The following KCNQ3 variants were observed in gnomAD, a reference collection of about 807,000 sequenced individuals.
KCNQ3 encodes the protein potassium voltage-gated channel subfamily Q member 3, also known as potassium voltage-gated channel subfamily KQT member 3.
In KCNQ3, 30 loss-of-function variants were observed where a neutral mutation model predicts 92.5. The ratio of observed to expected loss-of-function variants is 0.32; its 90% CI spans 0.24 to 0.44. The LOEUF is 0.44. KCNQ3 is among the 20% of genes least tolerant of loss of function. KCNQ3 has a pLI of 1.00. For missense variants in KCNQ3, 913 were observed against 1,140.3 expected, an observed-to-expected ratio of 0.80 and a Z score of 2.87; for synonymous variants, 450 against 468.8, an observed-to-expected ratio of 0.96 and a Z score of 0.52.
intron 1 of KCNQ3, among the ~76,000 whole-genome samples, chr8:132,287,873 T>C (rs1326469756): frequency 6.6e-6 from 1 of 152,190 alleles, no homozygotes; most frequent in Non-Finnish European, 1.5e-5. Flanking sequence ...GAGGTGATGG[T>C]TGCACAACAT....
intron 1 of KCNQ3, among the ~76,000 whole-genome samples, chr8:132,186,974 G>C (rs59081807): frequency 0.063 from 9,382 of 149,092 alleles, 339 homozygotes; most frequent in African/African-American, 0.11. Flanking sequence ...GAGAGAGAGA[G>C]AGAGAGAGAG....
chr8:132,307,676 T>C (rs1216954320), intron 1 of KCNQ3, among the ~76,000 whole-genome samples: 2 of 152,210 alleles, frequency 1.3e-5, no homozygotes, highest in African/African-American at 2.4e-5. Flanking sequence ...GTTTGTTTAA[T>C]TGAATCAGAT....
intron 1 of KCNQ3, among the ~76,000 whole-genome samples, chr8:132,408,780 C>T (rs1413429763): frequency 1.3e-5 from 2 of 152,138 alleles, no homozygotes; most frequent in Non-Finnish European, 2.9e-5. Context: ...TAGCAAAGGG[C>T]ACTAGGCAGC....
intron 1 of KCNQ3, among the ~76,000 whole-genome samples, chr8:132,200,754 T>C (rs1039548820): frequency 1.3e-5 from 2 of 152,206 alleles, no homozygotes; most frequent in African/African-American, 4.8e-5. Flanking sequence ...TCTATTTAAG[T>C]TTCATGATAT....
intron 1 of KCNQ3, among the ~76,000 whole-genome samples, chr8:132,309,670 A>G (rs1296340911): frequency 2.0e-5 from 3 of 152,226 alleles, no homozygotes; most frequent in Non-Finnish European, 4.4e-5. Context: ...AGCTAAAAGA[A>G]TGAACTAGTA....
chr8:132,428,852 C>A (rs191268488), intron 1 of KCNQ3, among the ~76,000 whole-genome samples: 1 of 152,042 alleles, frequency 6.6e-6, no homozygotes, highest in Non-Finnish European at 1.5e-5. Context: ...AAAAAGAGAC[C>A]ACCCTTCCTC....
chr8:132,140,997 T>TCCCTCCC, intron 10 of KCNQ3, 132 bp downstream of exon 10: 1 of 810,536 alleles, frequency 1.2e-6, no homozygotes, highest in Non-Finnish European at 2.1e-6. Context: ...GAAGTTGGCT[T>TCCCTCCC]GTCGAGGGAA....
intron 1 of KCNQ3, among the ~76,000 whole-genome samples, chr8:132,196,399 T>C (rs574878059): frequency 6.6e-6 from 1 of 152,194 alleles, no homozygotes; most frequent in Non-Finnish European, 1.5e-5. Flanking sequence ...TATCTCCTCA[T>C]AGAATCCACC....
chr8:132,292,101 T>C (rs550973253), intron 1 of KCNQ3, among the ~76,000 whole-genome samples: 2 of 152,346 alleles, frequency 1.3e-5, no homozygotes, highest in South Asian at 4.1e-4. Context: ...AATGATAGCT[T>C]CACTGACCTA....
At chr8:132,245,837 T>A (rs1216052656) in intron 1 of KCNQ3, among the ~76,000 whole-genome samples, 1 of 152,196 alleles carries the variant, frequency 6.6e-6, no homozygotes, top group Non-Finnish European at 1.5e-5. Flanking sequence ...CAATTTTCAT[T>A]TGTTTGCTTA....
intron 3 of KCNQ3, among the ~76,000 whole-genome samples, chr8:132,182,931 A>T (rs952299168): frequency 4.6e-5 from 7 of 151,948 alleles, no homozygotes; most frequent in African/African-American, 1.7e-4. Flanking sequence ...CCTTCCGTAC[A>T]TTCAAAATTC....
intron 1 of KCNQ3, among the ~76,000 whole-genome samples, chr8:132,370,671 A>G (rs1004255898): frequency 2.0e-5 from 3 of 152,230 alleles, no homozygotes; most frequent in Non-Finnish European, 4.4e-5. Context: ...CACGCACTCC[A>G]GGCTGAGAAG....
At chr8:132,370,788 G>T (rs1819453941) in intron 1 of KCNQ3, among the ~76,000 whole-genome samples, 1 of 152,124 alleles carries the variant, frequency 6.6e-6, no homozygotes, top group Admixed American at 6.5e-5. Context: ...ATAACAACAG[G>T]CAGTATTTCT....
chr8:132,439,871 T>C (rs940485275), intron 1 of KCNQ3, among the ~76,000 whole-genome samples: 3 of 152,226 alleles, frequency 2.0e-5, no homozygotes, highest in Non-Finnish European at 1.5e-5. Context: ...TTTAAGCTGC[T>C]AAATTTGTGG....
intron 1 of KCNQ3, among the ~76,000 whole-genome samples, chr8:132,210,340 C>T (rs1033767437): frequency 6.6e-6 from 1 of 152,226 alleles, no homozygotes; most frequent in Non-Finnish European, 1.5e-5. Flanking sequence ...CAAAGAAACA[C>T]ATGAGCCTGC....
chr8:132,214,629 T>G (rs1375088565), intron 1 of KCNQ3, among the ~76,000 whole-genome samples: 2 of 151,828 alleles, frequency 1.3e-5, no homozygotes, highest in Non-Finnish European at 2.9e-5. Context: ...GGAGAATTCC[T>G]TTTTCAAAGC....
intron 1 of KCNQ3, among the ~76,000 whole-genome samples, chr8:132,397,655 G>T (rs529429302): frequency 1.1e-4 from 17 of 152,246 alleles, no homozygotes; most frequent in South Asian, 4.1e-4. Context: ...CTCAGTAAGG[G>T]ATTACCAGAG....
rs886062682 is a variant in KCNQ3 at position 132,128,501 on chromosome 8, T to TTGTGTGTGTG, written c.*760_*761insCACACACACA. 4.3e-4 allele frequency: 50 copies of TTGTGTGTGTG among 116,932 alleles called. 1 individual carries two copies. The Middle Eastern group carries it at 0.012, about 29-fold the overall frequency. 7.2% of individuals were successfully genotyped at this position (116,932 alleles called of 1,614,324 possible). ...ACATAAATTGGAAACTATTTTAACT[T>TTGTGTGTGTG]TGTGTATGTGTGTGTGTGTGTGTGT... is the stretch of plus-strand genomic sequence containing the variant. On this transcript the variant is annotated 3_prime_UTR_variant, in exon 15 of 15. Transcript: ENST00000388996.
At chr8:132,448,502 G>GAAAAAAAAAAAAAAAAAAAAAAAAAA in intron 1 of KCNQ3, among the ~76,000 whole-genome samples, 8 of 93,884 alleles carry the variant, frequency 8.5e-5, no homozygotes, top group East Asian at 3.3e-4. Context: ...GGAGAAATAT[G>GAAAAAAAAAAAAAAAAAAAAAAAAAA]AAAAAAAAAA....
Sources: gnomAD v4.1 joint callset for allele counts (sites outside exome capture counted in the v4.1 genomes callset) on GRCh38, gnomAD v4.1.1 for gene constraint, MANE v1.5 for transcripts, NCBI Gene and HGNC (gene_info 2026-07-23, HGNC 2026-07-21) for gene names.